Variants in FBN2 observed in about 807,000 individuals in gnomAD.
FBN2 encodes fibrillin-2.
A neutral mutation model predicts 355.6 loss-of-function variants in FBN2; 105 were observed. The observed-to-expected ratio is 0.30, with a 90% CI of 0.25 to 0.35. The LOEUF (loss-of-function observed/expected upper bound fraction) is 0.35, where lower values mean the gene tolerates loss of function less well. FBN2 is among the 10% of genes least tolerant of loss of function. The pLI is 1.00. For synonymous variants in FBN2, 1,350 were observed against 1,301.2 expected (o/e 1.04, Z -0.81); for missense variants, 3,280 against 3,758.7 (o/e 0.87, Z 3.33).
Position 128,289,188 on chromosome 5 carries a change from T to G in FBN2, c.6576A>C (p.Gly2192=). The change falls in exon 52 of 65, where the codon GGA becomes GGC. Residue 2192 remains glycine, a synonymous_variant. Coordinates refer to ENST00000262464, the MANE Select transcript of FBN2 (RefSeq NM_001999.4). The part of the protein sequence containing the change: ...CSNGQCINTD[G]SFRCECPMGY... Reference sequence around the variant, plus strand: ...CCATTGGACATTCACAGCGAAAAGATCCGTCGGTGTTGATACATTGACCAT... The same window carrying G: ...CCATTGGACATTCACAGCGAAAAGAGCCGTCGGTGTTGATACATTGACCAT... 6.2e-7 allele frequency: 1 copy of G among 1,613,844 alleles called. No homozygotes were observed. The highest frequency in any genetic ancestry group is 1.1e-5 in the South Asian group (1 of 91,080).
In FBN2 at chr5:128,333,051, C is replaced by A; in HGVS notation, c.4100-17G>T. ...CATCCACATCTGATAAACCATAATT[C>A]ATAAGAAGAAAATCAAAATACAAAC... is the stretch of plus-strand genomic sequence containing the variant. On this transcript the variant is annotated splice_polypyrimidine_tract_variant and intron_variant, in intron 31 of 64. Transcript: ENST00000262464. The A allele has an allele frequency of 1.2e-6, 2 of 1,606,470 alleles. No individual in the cohort carries two copies. Among genetic ancestry groups the A allele is most frequent in the South Asian group, 2.2e-5 (2 of 90,868 alleles).
chr5:128,272,241 A>G (rs1000190274), intron 61 of FBN2, 123 bp from the exon 62 acceptor site: 4 of 1,108,558 alleles, frequency 3.6e-6, no homozygotes, highest in Non-Finnish European at 5.3e-6. Flanking sequence ...GACATGACAC[A>G]TAGAGAGGCT....
In FBN2 at chr5:128,423,771, G is replaced by T. The variant is rs139305388; in HGVS notation, c.953-14972C>A. ...GTGACATGACCAAACTTGTGATCTAGAAAGGTAGTTGTGCTGCAGTGTGGA... is the reference window on the plus strand; with the variant it reads ...GTGACATGACCAAACTTGTGATCTATAAAGGTAGTTGTGCTGCAGTGTGGA... On this transcript the variant is annotated intron_variant, in intron 7 of 64. Transcript: ENST00000262464. Among the ~76,000 whole-genome samples the T allele has an allele frequency of 3.9e-3, 588 of 152,288 alleles. 2 individuals are homozygous for T. Among genetic ancestry groups the T allele is most frequent in the Non-Finnish European group, 5.9e-3 (401 of 68,010 alleles).
In FBN2 at chr5:128,301,505, C is replaced by G; in HGVS notation, c.5923G>C (p.Asp1975His). 6.2e-7 allele frequency: 1 copy of G among 1,613,218 alleles called. No homozygotes were observed. Among genetic ancestry groups the G allele is most frequent in the Non-Finnish European group, 8.5e-7 (1 of 1,179,726 alleles). ...LTHNNDCLDI[D>H]ECSSFFGQVC... Reference sequence around the variant, plus strand: ...TGACCAAAAAAGGAACTGCACTCATCTATGTCTGTAAGCAAACAGGAGTAT... The same window carrying G: ...TGACCAAAAAAGGAACTGCACTCATGTATGTCTGTAAGCAAACAGGAGTAT... The change falls in exon 47 of 65, where the codon GAT (aspartate) becomes CAT (histidine). Residue 1975 changes from aspartate to histidine, a missense_variant. Physicochemically the swap from Asp to His is moderately conservative, Grantham distance 81. This residue lies in a region of FBN2 where 2,284 missense variants were observed against 2,749.5 expected (regional missense o/e 0.83). Transcript: ENST00000262464.
At chr5:128,530,358 A>G (rs568816928) in intron 3 of FBN2, among the ~76,000 whole-genome samples, 1 of 152,334 alleles carries the variant, frequency 6.6e-6, no homozygotes, top group East Asian at 1.9e-4. Context: ...GAGACTATAC[A>G]CTTAGGCATC....
intron 34 of FBN2, among the ~76,000 whole-genome samples, chr5:128,319,503 TAATTTAGTTAATTAAATA>T (rs1404880496): frequency 2.1e-5 from 2 of 93,534 alleles, no homozygotes; most frequent in African/African-American, 4.4e-5. Flanking sequence ...TAAATTTAGT[TAATTTAGTTAATTAAATA>T]AATTTAGTTA....
chr5:128,492,567 C>A (rs1260771158), intron 5 of FBN2, among the ~76,000 whole-genome samples: 1 of 152,130 alleles, frequency 6.6e-6, no homozygotes, highest in Non-Finnish European at 1.5e-5. Flanking sequence ...CTTTGGGAGG[C>A]TGAGGCGGGT....
chr5:128,491,695 G>A (rs976646738), intron 5 of FBN2, among the ~76,000 whole-genome samples: 3 of 152,040 alleles, frequency 2.0e-5, no homozygotes, highest in African/African-American at 7.2e-5. Flanking sequence ...GCATAAAGAG[G>A]AAAAATGCAA....
At chr5:128,351,726 T>C (rs1011948780) in intron 20 of FBN2, among the ~76,000 whole-genome samples, 3 of 152,054 alleles carry the variant, frequency 2.0e-5, no homozygotes, top group Non-Finnish European at 4.4e-5. Flanking sequence ...TTGTCCAAGA[T>C]TTTATGCTGG....
At chr5:128,319,931 A>G (rs1033233921) in intron 34 of FBN2, among the ~76,000 whole-genome samples, 2 of 152,248 alleles carry the variant, frequency 1.3e-5, no homozygotes, top group African/African-American at 4.8e-5. Context: ...AGGCTAGACT[A>G]GACAAATCAT....
At chr5:128,528,603 G>T (rs142482784) in intron 3 of FBN2, among the ~76,000 whole-genome samples, 41 of 152,258 alleles carry the variant, frequency 2.7e-4, no homozygotes, top group African/African-American at 9.4e-4. Context: ...GATGGTAAAA[G>T]GTTTCTTCTG....
In FBN2 at chr5:128,330,641, A is replaced by G. The variant is rs1581220659; in HGVS notation, c.4277T>C (p.Val1426Ala). ...ACAGCGGTATGAGCCCGGGGTATTT[A>G]CACACTGAGCATTGATGCTACACTG... ...THQCSINAQCVNTPGSYRCAC... is the reference protein window; with the variant it reads ...THQCSINAQCANTPGSYRCAC... Residue 1426 changes from valine to alanine, a missense_variant, in exon 33 of 65, where the codon GTA becomes GCA. Physicochemically the swap from Val to Ala is moderately conservative, Grantham distance 64. This residue lies in a region of FBN2 where 2,284 missense variants were observed against 2,749.5 expected (regional missense o/e 0.83). Coordinates refer to ENST00000262464, the MANE Select transcript of FBN2 (RefSeq NM_001999.4). 1 of 1,614,004 alleles carries G rather than the reference A, an allele frequency of 6.2e-7. No individual in the cohort carries two copies. Among genetic ancestry groups the G allele is most frequent in the East Asian group, 2.2e-5 (1 of 44,880 alleles).
At chr5:128,482,388 T>C (rs963082500) in intron 5 of FBN2, among the ~76,000 whole-genome samples, 7 of 152,170 alleles carry the variant, frequency 4.6e-5, no homozygotes, top group Non-Finnish European at 8.8e-5. Flanking sequence ...CTCTCACCTA[T>C]TCTCTAAGCT....
At chr5:128,463,322 C>G (rs543450470) in intron 6 of FBN2, among the ~76,000 whole-genome samples, 5 of 152,134 alleles carry the variant, frequency 3.3e-5, no homozygotes, top group Non-Finnish European at 7.4e-5. Flanking sequence ...CAGAATTTTA[C>G]TATCCATAGT....
chr5:128,282,040 GTCT>G (rs1003652633), intron 55 of FBN2, among the ~76,000 whole-genome samples: 1 of 152,046 alleles, frequency 6.6e-6, no homozygotes, highest in African/African-American at 2.4e-5. Context: ...TTCTGACCAT[GTCT>G]TCTTTTGTTT....
At position 128,303,060 on chromosome 5, in the gene FBN2, C is replaced by T. The variant is rs1749763709; in HGVS notation, c.5830G>A (p.Gly1944Arg). The T allele has an allele frequency of 6.2e-7, 1 of 1,611,148 alleles. No individual in the cohort carries two copies. Among genetic ancestry groups the T allele is most frequent in the Non-Finnish European group, 8.5e-7 (1 of 1,177,470 alleles). The change falls in exon 46 of 65, where the codon GGA (glycine) becomes AGA (arginine). Residue 1944 changes from glycine to arginine, a missense_variant. Around this residue, in one of 6 missense-constraint regions of FBN2, gnomAD observed 2,284 missense variants for 2,749.5 expected, o/e 0.83. Coordinates refer to ENST00000262464, the MANE Select transcript of FBN2 (RefSeq NM_001999.4). ...ACGGTGTTTTTACAAGTTCCATTTC[C>T]ACATGGATGCCGCTCGCACTCATCA... ...DVDECERHPC[G>R]NGTCKNTVGS...
intron 48 of FBN2, among the ~76,000 whole-genome samples, chr5:128,296,746 T>C (rs1332165633): frequency 6.6e-6 from 1 of 152,216 alleles, no homozygotes; most frequent in Non-Finnish European, 1.5e-5. Flanking sequence ...TTATTAGTCT[T>C]GCTAGTGGTC....
intron 8 of FBN2, among the ~76,000 whole-genome samples, chr5:128,407,829 A>T (rs903812868): frequency 2.0e-5 from 3 of 152,222 alleles, no homozygotes; most frequent in Admixed American, 1.3e-4. Context: ...CAAGACCTAC[A>T]GAGATCCTGG....
chr5:128,521,777 T>A (rs1196499009), intron 4 of FBN2, among the ~76,000 whole-genome samples: 3 of 152,144 alleles, frequency 2.0e-5, no homozygotes, highest in Non-Finnish European at 4.4e-5. Context: ...GAGGAAGGGC[T>A]TCTCCCACGG....
Sources: allele counts gnomAD v4.1 joint callset (sites outside exome capture counted in the v4.1 genomes callset), GRCh38; gene constraint gnomAD v4.1.1; regional missense constraint gnomAD v4.1.1; transcripts MANE v1.5; gene names NCBI Gene and HGNC (gene_info 2026-07-23, HGNC 2026-07-21).